TBC1D5: variants seen among roughly 807,000 people sequenced by gnomAD.
The protein encoded by TBC1D5 is TBC1 domain family member 5.
In TBC1D5, 75 loss-of-function variants were observed where a neutral mutation model predicts 100.3. The observed-to-expected ratio is 0.75, with a 90% CI of 0.62 to 0.91. TBC1D5 has a LOEUF of 0.91. TBC1D5 is among the 40% of genes least tolerant of loss of function. The probability of loss-of-function intolerance (pLI) is 0.00; values close to 1 mark genes in which losing one functional copy is unlikely to be tolerated. For missense variants in TBC1D5, 910 were observed against 942.4 expected, an observed-to-expected ratio of 0.97 and a Z score of 0.45; for synonymous variants, 323 against 325.6, an observed-to-expected ratio of 0.99 and a Z score of 0.09.
chr3:17,730,883 G>C (rs9816825), intron 1 of TBC1D5, among the ~76,000 whole-genome samples: 1,897 of 152,122 alleles, frequency 0.012, 35 homozygotes, highest in African/African-American at 0.043. Context: ...GCATGACATA[G>C]ACTAATGAGT....
At chr3:17,501,979 A>AAC (rs1366591345) in intron 3 of TBC1D5, among the ~76,000 whole-genome samples, 1 of 149,636 alleles carries the variant, frequency 6.7e-6, no homozygotes, top group African/African-American at 2.5e-5. Flanking sequence ...AAGAGATTAA[A>AAC]ACATCAGTGA....
chr3:17,258,905 T>C (rs577694385), intron 15 of TBC1D5, among the ~76,000 whole-genome samples: 1 of 152,238 alleles, frequency 6.6e-6, no homozygotes, highest in South Asian at 2.1e-4. Context: ...CTAAAAACTA[T>C]ATGAGATGTA....
At chr3:17,460,882 T>C (rs1490644259) in intron 3 of TBC1D5, among the ~76,000 whole-genome samples, 1 of 152,088 alleles carries the variant, frequency 6.6e-6, no homozygotes, top group Non-Finnish European at 1.5e-5. Context: ...AATCTTTTGA[T>C]TAAAAAAGTA....
intron 4 of TBC1D5, 53 bp downstream of exon 4, chr3:17,428,390 ATTATATG>A: frequency 1.9e-6 from 1 of 527,848 alleles, no homozygotes; most frequent in South Asian, 8.5e-5. Flanking sequence ...ATCTTATAAT[ATTATATG>A]TGTGTGTGTG....
chr3:17,703,910 T>G (rs1183976703), intron 1 of TBC1D5, among the ~76,000 whole-genome samples: 8 of 108,240 alleles, frequency 7.4e-5, no homozygotes, highest in African/African-American at 5.5e-5. Context: ...TGTGTTTTTT[T>G]TTTGTTTTTT....
chr3:17,281,092 C>T lies in TBC1D5; in HGVS notation c.1245+10803G>A, dbSNP rs191187901. 2.4e-3 allele frequency among the ~76,000 whole-genome samples: 364 copies of T among 152,318 alleles called. 5 individuals are homozygous for T. The highest frequency in any genetic ancestry group is 5.7e-3 in the Admixed American group (87 of 15,310). ...GCCAGCTAGCTCCAGAGAGGGCACACCAGTTCCCACCCGTGAAGGGGTCAG... is the reference window on the plus strand; with the variant it reads ...GCCAGCTAGCTCCAGAGAGGGCACATCAGTTCCCACCCGTGAAGGGGTCAG... On this transcript the variant is annotated intron_variant, in intron 15 of 21. Transcript: ENST00000253692.
At chr3:17,232,264 G>A (rs1387599273) in intron 17 of TBC1D5, among the ~76,000 whole-genome samples, 1 of 152,090 alleles carries the variant, frequency 6.6e-6, no homozygotes, top group East Asian at 1.9e-4. Flanking sequence ...TCTTTCCATA[G>A]GTATAAATTG....
chr3:17,158,579 GTC>G (rs1326263815), exon 22 of TBC1D5: 1 of 152,284 alleles, frequency 6.6e-6, no homozygotes, highest in African/African-American at 2.4e-5. Flanking sequence ...GTCCTTGTAT[GTC>G]TCTCTCCTCC....
intron 8 of TBC1D5, among the ~76,000 whole-genome samples, chr3:17,401,351 T>A (rs1575709842): frequency 1.1e-5 from 1 of 88,538 alleles, no homozygotes; most frequent in Admixed American, 1.1e-4. Flanking sequence ...ATAATATACA[T>A]ATATATGTAT....
At chr3:17,505,537 C>A (rs1412132514) in intron 3 of TBC1D5, among the ~76,000 whole-genome samples, 1 of 152,138 alleles carries the variant, frequency 6.6e-6, no homozygotes, top group Non-Finnish European at 1.5e-5. Context: ...GGATCCCCTA[C>A]AGAAAAATTT....
intron 2 of TBC1D5, among the ~76,000 whole-genome samples, chr3:17,531,804 C>T (rs2096230240): frequency 6.6e-6 from 1 of 152,168 alleles, no homozygotes; most frequent in Non-Finnish European, 1.5e-5. Flanking sequence ...GAAACTGGAT[C>T]CCTTCCTTAC....
At chr3:17,279,249 G>A (rs192841450) in intron 15 of TBC1D5, among the ~76,000 whole-genome samples, 2 of 152,256 alleles carry the variant, frequency 1.3e-5, no homozygotes, top group Admixed American at 1.3e-4. Context: ...CACAATAGTT[G>A]TTCATGGGTC....
At chr3:17,375,003 A>G (rs2092645902) in intron 10 of TBC1D5, among the ~76,000 whole-genome samples, 1 of 152,188 alleles carries the variant, frequency 6.6e-6, no homozygotes, top group African/African-American at 2.4e-5. Flanking sequence ...TTGTTGTCCA[A>G]AAGAACAAAA....
At chr3:17,374,815 C>A in intron 10 of TBC1D5, 136 bp from the exon 11 acceptor site, 3 of 792,680 alleles carry the variant, frequency 3.8e-6, no homozygotes, top group Non-Finnish European at 6.0e-6. Context: ...ATGAAAAGAG[C>A]AATGCCATTA....
At chr3:17,714,306 T>C (rs1318868945) in intron 1 of TBC1D5, among the ~76,000 whole-genome samples, 3 of 152,168 alleles carry the variant, frequency 2.0e-5, no homozygotes, top group Non-Finnish European at 2.9e-5. Flanking sequence ...AAACATACAA[T>C]AGTCACCTAA....
intron 15 of TBC1D5, among the ~76,000 whole-genome samples, chr3:17,289,199 C>T (rs1300512725): frequency 1.3e-5 from 2 of 152,182 alleles, no homozygotes; most frequent in African/African-American, 4.8e-5. Context: ...CCAGACCCTG[C>T]ACTCGCTTGC....
intron 1 of TBC1D5, among the ~76,000 whole-genome samples, chr3:17,720,255 C>A (rs997791796): frequency 3.9e-5 from 6 of 151,974 alleles, no homozygotes; most frequent in Non-Finnish European, 8.8e-5. Context: ...CTGAAAAAAA[C>A]TGAAAAGCTA....
intron 1 of TBC1D5, among the ~76,000 whole-genome samples, chr3:17,643,259 A>G (rs938234240): frequency 6.6e-6 from 1 of 152,134 alleles, no homozygotes; most frequent in Non-Finnish European, 1.5e-5. Context: ...TTTGGCAAGA[A>G]TATCATATAA....
rs540942878 is a variant in TBC1D5 at position 17,467,657 on chromosome 3, A to G, written c.98-39138T>C. On this transcript the variant is annotated intron_variant, in intron 3 of 21. Coordinates refer to ENST00000253692, the Ensembl canonical transcript of TBC1D5. ...AAGGAGGCTAAGGCGGGCAGATCAC[A>G]TGAGGCCAGGAGTTTCAGACCAGCC... is the stretch of plus-strand genomic sequence containing the variant. Among the ~76,000 whole-genome samples the G allele has an allele frequency of 3.3e-5, 5 of 152,128 alleles. No individual in the cohort carries two copies. The East Asian group carries it at 9.6e-4, about 29-fold the overall frequency.
Sources: gnomAD v4.1 joint callset for allele counts (sites outside exome capture counted in the v4.1 genomes callset) on GRCh38, gnomAD v4.1.1 for gene constraint, MANE v1.5 for transcripts, NCBI Gene and HGNC (gene_info 2026-07-23, HGNC 2026-07-21) for gene names.